P2RY14: variants seen among roughly 807,000 people sequenced by gnomAD.
P2RY14 encodes the protein purinergic receptor P2Y14, also known as P2Y purinoceptor 14.
Under a neutral mutation model 0.9 loss-of-function variants are expected in P2RY14, and 2 were observed. The observed-to-expected ratio is 2.16, with a 90% CI of 0.88 to 6.79. The LOEUF is 6.79. P2RY14 is among the 30% of genes most tolerant of loss of function. The pLI is 0.05. For synonymous variants in P2RY14, 158 were observed against 147.2 expected (o/e 1.07, Z -0.53); for missense variants, 378 against 400.1 (o/e 0.94, Z 0.47).
At chr3:151,252,028 G>C (rs192213697) in intron 1 of P2RY14, among the ~76,000 whole-genome samples, 88 of 152,148 alleles carry the variant, frequency 5.8e-4, no homozygotes, top group Admixed American at 5.0e-3. Context: ...TATTTAACCT[G>C]TGTGTTTATC....
chr3:151,256,488 G>A (rs769052089), intron 1 of P2RY14, among the ~76,000 whole-genome samples: 11 of 152,198 alleles, frequency 7.2e-5, no homozygotes, highest in Non-Finnish European at 1.0e-4. Context: ...TCCACAGGGA[G>A]TGTGAATGAG....
chr3:151,248,401 GT>G (rs1736174993), intron 1 of P2RY14, among the ~76,000 whole-genome samples: 1 of 152,054 alleles, frequency 6.6e-6, no homozygotes, highest in African/African-American at 2.4e-5. Flanking sequence ...TATTTGTAGA[GT>G]TTTAGCATTT....
chr3:151,276,541 A>C (rs1358041997), intron 1 of P2RY14, among the ~76,000 whole-genome samples: 1 of 152,210 alleles, frequency 6.6e-6, no homozygotes, highest in Admixed American at 6.5e-5. Context: ...GAAACAGCTC[A>C]CTTGTGACCG....
chr3:151,240,049 TTG>T (rs1553754052), intron 1 of P2RY14, among the ~76,000 whole-genome samples: 2 of 151,514 alleles, frequency 1.3e-5, no homozygotes, highest in Non-Finnish European at 1.5e-5. Flanking sequence ...TTTTTTTTTT[TTG>T]TGTGTGTGTG....
intron 1 of P2RY14, among the ~76,000 whole-genome samples, chr3:151,237,718 G>C (rs1489076401): frequency 6.6e-6 from 1 of 152,074 alleles, no homozygotes; most frequent in Non-Finnish European, 1.5e-5. Context: ...TGATCCTGTG[G>C]ATATCAGTCC....
intron 1 of P2RY14, among the ~76,000 whole-genome samples, chr3:151,273,293 C>T (rs1308899555): frequency 5.8e-5 from 8 of 138,474 alleles, no homozygotes; most frequent in Non-Finnish European, 1.1e-4. Flanking sequence ...TGCAGTGGTG[C>T]GATCTCAGCT....
chr3:151,254,322 G>A (rs150245963), intron 1 of P2RY14, among the ~76,000 whole-genome samples: 147 of 152,190 alleles, frequency 9.7e-4, no homozygotes, highest in Non-Finnish European at 1.7e-3. Flanking sequence ...TTTCATTCAC[G>A]TAACTAGAGC....
intron 1 of P2RY14, among the ~76,000 whole-genome samples, chr3:151,273,739 C>T (rs560044263): frequency 1.4e-4 from 22 of 152,254 alleles, no homozygotes; most frequent in African/African-American, 5.3e-4. Flanking sequence ...TTATGCTATA[C>T]TACTTGGCAT....
intron 1 of P2RY14, among the ~76,000 whole-genome samples, chr3:151,221,290 A>G (rs145682455): frequency 0.013 from 1,975 of 152,330 alleles, 33 homozygotes; most frequent in African/African-American, 0.045. Context: ...TTGCAGCCTG[A>G]CAATGCAATA....
At chr3:151,254,839 T>A (rs1022433821) in intron 1 of P2RY14, among the ~76,000 whole-genome samples, 1 of 152,220 alleles carries the variant, frequency 6.6e-6, no homozygotes, top group African/African-American at 2.4e-5. Context: ...CAGGTTGCAA[T>A]TATTGCTGTC....
chr3:151,237,452 C>A (rs1254988131), intron 1 of P2RY14, among the ~76,000 whole-genome samples: 2 of 139,360 alleles, frequency 1.4e-5, no homozygotes, highest in African/African-American at 2.7e-5. Flanking sequence ...TGGGTTCAAG[C>A]GATTCTCCTG....
intron 1 of P2RY14, among the ~76,000 whole-genome samples, chr3:151,250,516 A>G (rs1321608867): frequency 6.6e-6 from 1 of 152,196 alleles, no homozygotes; most frequent in African/African-American, 2.4e-5. Context: ...TAGAAGTGGA[A>G]TCATACAGTA....
intron 1 of P2RY14, among the ~76,000 whole-genome samples, chr3:151,226,777 T>C (rs1730581660): frequency 6.6e-6 from 1 of 152,248 alleles, no homozygotes; most frequent in Non-Finnish European, 1.5e-5. Flanking sequence ...GATTTGCCAG[T>C]TTCTAAAAGT....
intron 1 of P2RY14, among the ~76,000 whole-genome samples, chr3:151,229,565 G>A (rs867082552): frequency 4.9e-5 from 7 of 143,570 alleles, no homozygotes; most frequent in Non-Finnish European, 9.0e-5. Flanking sequence ...TGCAAGATCC[G>A]CCTCCCGGGT....
At chr3:151,233,511 G>T (rs897383383) in intron 1 of P2RY14, among the ~76,000 whole-genome samples, 9 of 152,188 alleles carry the variant, frequency 5.9e-5, no homozygotes, top group African/African-American at 2.2e-4. Flanking sequence ...AGGCTGGCGG[G>T]TCACCTGAGG....
intron 1 of P2RY14, among the ~76,000 whole-genome samples, chr3:151,237,045 CTTTTTTTTT>C: frequency 7.9e-6 from 1 of 125,866 alleles, no homozygotes; most frequent in East Asian, 2.3e-4. Flanking sequence ...TGATGCCAAA[CTTTTTTTTT>C]TTTTTTTTTT....
chr3:151,233,226 C>A (rs1180857113), intron 1 of P2RY14, among the ~76,000 whole-genome samples: 2 of 152,202 alleles, frequency 1.3e-5, no homozygotes, highest in African/African-American at 4.8e-5. Context: ...CTCTCGTGCC[C>A]TCTGAGTTTA....
chr3:151,215,055 A>G (rs1727927898), intron 2 of P2RY14, among the ~76,000 whole-genome samples: 1 of 152,082 alleles, frequency 6.6e-6, no homozygotes, highest in Non-Finnish European at 1.5e-5. Flanking sequence ...AAACATATAC[A>G]TTCAAATGTT....
chr3:151,218,283 A>G (rs1257155642), intron 2 of P2RY14, among the ~76,000 whole-genome samples: 1 of 152,222 alleles, frequency 6.6e-6, no homozygotes, highest in African/African-American at 2.4e-5. Context: ...AGCTCATGCC[A>G]GTCCATTAAA....
Sources: gnomAD v4.1 joint callset for allele counts (sites outside exome capture counted in the v4.1 genomes callset) on GRCh38, gnomAD v4.1.1 for gene constraint, MANE v1.5 for transcripts, NCBI Gene and HGNC (gene_info 2026-07-23, HGNC 2026-07-21) for gene names.